LINGO2: variants seen among roughly 807,000 people sequenced by gnomAD.
The protein encoded by LINGO2 is leucine-rich repeat and immunoglobulin-like domain-containing nogo receptor-interacting protein 2.
Under a neutral mutation model 30.6 loss-of-function variants are expected in LINGO2, and 14 were observed. The ratio of observed to expected loss-of-function variants is 0.46; its 90% confidence interval spans 0.30 to 0.72. The LOEUF is 0.72. Among genes scored for constraint, LINGO2 ranks in the 30% least tolerant of loss-of-function variants. The pLI, the probability that LINGO2 is intolerant of heterozygous loss-of-function variation, is 0.07. For missense variants in LINGO2, 729 were observed against 751.7 expected, an observed-to-expected ratio of 0.97 and a Z score of 0.35; for synonymous variants, 317 against 288.5, an observed-to-expected ratio of 1.10 and a Z score of -1.00.
chr9:28,029,438 G>T (rs987304283), intron 4 of LINGO2, among the ~76,000 whole-genome samples: 1 of 152,158 alleles, frequency 6.6e-6, no homozygotes, highest in African/African-American at 2.4e-5. Flanking sequence ...AAAGGAGAAC[G>T]AAGATGCAAG....
At chr9:28,183,936 A>T (rs797022367) in intron 4 of LINGO2, among the ~76,000 whole-genome samples, 15 of 152,354 alleles carry the variant, frequency 9.8e-5, no homozygotes, top group African/African-American at 3.4e-4. Context: ...CAAATGACAG[A>T]CATTACCAAT....
chr9:28,466,076 C>T (rs532701870), intron 2 of LINGO2, among the ~76,000 whole-genome samples: 2 of 151,960 alleles, frequency 1.3e-5, no homozygotes, highest in East Asian at 3.9e-4. Context: ...AAACTAAAAA[C>T]AGAGCTACCA....
chr9:29,181,767 G>C, the LINGO2 span, among the ~76,000 whole-genome samples: 1 of 151,076 alleles, frequency 6.6e-6, no homozygotes. Context: ...GTACCACACA[G>C]CCCAGACAAA....
the LINGO2 span, among the ~76,000 whole-genome samples, chr9:29,172,738 C>G: frequency 6.6e-6 from 1 of 151,704 alleles, no homozygotes; most frequent in Non-Finnish European, 1.5e-5. Context: ...TTTCACAAAT[C>G]TTTATTAAAA....
the LINGO2 span, among the ~76,000 whole-genome samples, chr9:28,767,703 G>A: frequency 1.3e-5 from 2 of 148,968 alleles, no homozygotes; most frequent in South Asian, 2.1e-4. Context: ...AGAGAATGGC[G>A]TGAACCTGGG....
At chr9:28,006,418 G>T (rs928197434) in intron 5 of LINGO2, among the ~76,000 whole-genome samples, 1 of 152,092 alleles carries the variant, frequency 6.6e-6, no homozygotes, top group African/African-American at 2.4e-5. Context: ...ATTTGGGATT[G>T]AAATAATTTA....
chr9:28,301,937 G>A (rs1215839310), intron 3 of LINGO2, among the ~76,000 whole-genome samples: 1 of 152,058 alleles, frequency 6.6e-6, no homozygotes, highest in African/African-American at 2.4e-5. Flanking sequence ...CATTCTTAAA[G>A]AAAAAATCTT....
intron 3 of LINGO2, among the ~76,000 whole-genome samples, chr9:28,296,297 G>T (rs1207970150): frequency 6.6e-6 from 1 of 151,916 alleles, no homozygotes; most frequent in African/African-American, 2.4e-5. Flanking sequence ...GTCTTCCCAG[G>T]GTAGCTCTTA....
At chr9:29,054,743 G>GA in the LINGO2 span, among the ~76,000 whole-genome samples, 1 of 152,002 alleles carries the variant, frequency 6.6e-6, no homozygotes, top group Non-Finnish European at 1.5e-5. Context: ...ATCCATTGGT[G>GA]AAAACATACA....
the LINGO2 span, among the ~76,000 whole-genome samples, chr9:28,683,964 G>A: frequency 2.0e-5 from 3 of 152,080 alleles, no homozygotes; most frequent in East Asian, 1.9e-4. Context: ...AAGTATATGA[G>A]GATTTATTAA....
rs138929427 is a variant in LINGO2, at chr9:28,237,615, C to T, written c.-87+57593G>A. The stretch of plus-strand genomic sequence containing the variant: ...CTGCAATCCCAGCACTTTGGAAGGC[C>T]GAGGCAGGTGGATCAGATCACAAGA... On this transcript the variant is annotated intron_variant, in intron 4 of 5. Coordinates refer to ENST00000379992, the Ensembl canonical transcript of LINGO2. Among the ~76,000 whole-genome samples, 1,483 of 152,154 alleles carry T rather than the reference C, an allele frequency of 9.7e-3. 7 individuals carry two copies. The highest frequency in any genetic ancestry group is 0.027 in the Middle Eastern group (8 of 294).
chr9:28,151,526 A>G (rs997057142), intron 4 of LINGO2, among the ~76,000 whole-genome samples: 1 of 151,874 alleles, frequency 6.6e-6, no homozygotes, highest in Non-Finnish European at 1.5e-5. Flanking sequence ...GTCAAGATCA[A>G]CTTAAGATTA....
At chr9:28,029,456 G>T (rs543009206) in intron 4 of LINGO2, among the ~76,000 whole-genome samples, 1 of 152,272 alleles carries the variant, frequency 6.6e-6, no homozygotes, top group African/African-American at 2.4e-5. Flanking sequence ...AAGGCTTGTT[G>T]ATCTGTTTGG....
the LINGO2 span, among the ~76,000 whole-genome samples, chr9:29,009,920 G>T: frequency 6.6e-6 from 1 of 152,106 alleles, no homozygotes; most frequent in Non-Finnish European, 1.5e-5. Context: ...ACAAAAACTA[G>T]AAATGGGGAA....
intron 4 of LINGO2, among the ~76,000 whole-genome samples, chr9:28,233,613 T>A (rs1227379901): frequency 6.6e-6 from 1 of 152,190 alleles, no homozygotes; most frequent in African/African-American, 2.4e-5. Flanking sequence ...AAAGTTGCTG[T>A]GTTAGGGTTT....
chr9:28,331,735 G>A (rs1191343974), intron 3 of LINGO2, among the ~76,000 whole-genome samples: 5 of 152,084 alleles, frequency 3.3e-5, no homozygotes, highest in Admixed American at 6.5e-5. Flanking sequence ...CGGACTCTCC[G>A]GCTCAAGCAA....
At chr9:28,812,532 T>C in the LINGO2 span, among the ~76,000 whole-genome samples, 1 of 152,176 alleles carries the variant, frequency 6.6e-6, no homozygotes, top group Non-Finnish European at 1.5e-5. Flanking sequence ...TCCAGTTGTA[T>C]ACCCAATAGC....
the LINGO2 span, among the ~76,000 whole-genome samples, chr9:29,211,107 T>A: frequency 6.6e-6 from 1 of 152,158 alleles, no homozygotes. Context: ...CCTTTAGTAT[T>A]ATTCTAAATA....
At chr9:28,995,261 A>T in the LINGO2 span, among the ~76,000 whole-genome samples, 13 of 152,356 alleles carry the variant, frequency 8.5e-5, no homozygotes, top group African/African-American at 2.9e-4. Flanking sequence ...CAAAAAACAC[A>T]TGAAAAAATG....
Sources: gnomAD v4.1 joint callset for allele counts (sites outside exome capture counted in the v4.1 genomes callset) on GRCh38, gnomAD v4.1.1 for gene constraint, MANE v1.5 for transcripts, NCBI Gene and HGNC (gene_info 2026-07-23, HGNC 2026-07-21) for gene names.